MARCO: variants seen among roughly 807,000 people sequenced by gnomAD.
The protein encoded by MARCO is macrophage receptor MARCO.
Under a neutral mutation model 70.0 loss-of-function variants are expected in MARCO, and 72 were observed. That is an observed-to-expected ratio of 1.03 (90% CI 0.85 to 1.25). The LOEUF (loss-of-function observed/expected upper bound fraction) is 1.25, where lower values mean the gene tolerates loss of function less well. MARCO is among the 50% of genes most tolerant of loss of function. The pLI, the probability that MARCO is intolerant of heterozygous loss-of-function variation, is 0.00. For synonymous variants in MARCO, 273 were observed against 243.1 expected, an observed-to-expected ratio of 1.12 and a Z score of -1.14; for missense variants, 696 against 659.3, an observed-to-expected ratio of 1.06 and a Z score of -0.61.
chr2:118,983,780 G>T (rs569501106), intron 12 of MARCO, among the ~76,000 whole-genome samples: 1 of 151,898 alleles, frequency 6.6e-6, no homozygotes, highest in Admixed American at 6.6e-5. Flanking sequence ...TTCATCTCTC[G>T]GTTGTAAATA....
intron 14 of MARCO, 98 bp from the exon 15 acceptor site, chr2:118,992,334 A>C (rs1680638533): frequency 1.1e-6 from 1 of 946,700 alleles, no homozygotes. Flanking sequence ...GCATCTGACC[A>C]CTCCCAACCC....
intron 8 of MARCO, 32 bp downstream of exon 8, chr2:118,977,967 C>T: frequency 6.7e-7 from 1 of 1,482,370 alleles, no homozygotes; most frequent in Non-Finnish European, 9.3e-7. Flanking sequence ...TCGGTGCTTG[C>T]CAGGAGGCCT....
At position 118,981,374 on chromosome 2, in the gene MARCO, C is replaced by T. The variant is rs755353012; in HGVS notation, c.767-35C>T. On this transcript the variant is annotated intron_variant, in intron 8 of 16. Coordinates refer to ENST00000327097, the MANE Select transcript of MARCO (RefSeq NM_006770.4). Reference sequence around the variant, plus strand: ...GGACATGGTGGCCTGATTGGAGTTCCTCCCACAACTAACCAAGACTTTTTG... The same window carrying T: ...GGACATGGTGGCCTGATTGGAGTTCTTCCCACAACTAACCAAGACTTTTTG... 7.7e-6 allele frequency: 11 copies of T among 1,419,986 alleles called. No individual in the cohort carries two copies. The African/African-American group carries it at 1.0e-4, about 13-fold the overall frequency. 88.0% of individuals were successfully genotyped at this position (1,419,986 alleles called of 1,614,324 possible). A position where few individuals can be genotyped will look rare whatever the true frequency, so the allele number is the denominator to read the frequency against.
At chr2:118,967,157 G>C (rs968474157) in intron 1 of MARCO, among the ~76,000 whole-genome samples, 1 of 152,234 alleles carries the variant, frequency 6.6e-6, no homozygotes, top group Admixed American at 6.5e-5. Flanking sequence ...GAGAGAAACA[G>C]AGTGATGTGG....
At chr2:118,963,255 C>CT (rs992595037) in intron 1 of MARCO, among the ~76,000 whole-genome samples, 9 of 151,142 alleles carry the variant, frequency 6.0e-5, no homozygotes, top group Admixed American at 3.3e-4. Flanking sequence ...TTCAGAGCTG[C>CT]TTTTTTTTAT....
intron 1 of MARCO, among the ~76,000 whole-genome samples, chr2:118,959,009 C>T (rs1416443112): frequency 1.3e-5 from 2 of 152,094 alleles, no homozygotes; most frequent in Non-Finnish European, 2.9e-5. Context: ...AGGACTTAAA[C>T]CAAAGACCTG....
chr2:118,978,444 A>G (rs540086957), intron 8 of MARCO, among the ~76,000 whole-genome samples: 47 of 152,356 alleles, frequency 3.1e-4, no homozygotes, highest in African/African-American at 1.1e-3. Flanking sequence ...GGTTCTGACC[A>G]TGAAGGTCTG....
At chr2:118,992,585 T>C in intron 15 of MARCO, 109 bp downstream of exon 15, 2 of 987,108 alleles carry the variant, frequency 2.0e-6, no homozygotes, top group Non-Finnish European at 1.6e-6. Flanking sequence ...ATTTCTCATT[T>C]TGGGGAGGAG....
intron 1 of MARCO, among the ~76,000 whole-genome samples, chr2:118,952,090 AC>A (rs1272821537): frequency 6.7e-6 from 1 of 148,322 alleles, no homozygotes; most frequent in Non-Finnish European, 1.5e-5. Context: ...CCTCTTTCTT[AC>A]CCCTTTCTTA....
chr2:118,957,302 A>G (rs1345973833), intron 1 of MARCO, among the ~76,000 whole-genome samples: 1 of 152,130 alleles, frequency 6.6e-6, no homozygotes, highest in Non-Finnish European at 1.5e-5. Context: ...AAAACAGGAT[A>G]TATTACAACT....
chr2:118,948,801 A>ATGTC (rs143777024), intron 1 of MARCO, among the ~76,000 whole-genome samples: 1 of 151,668 alleles, frequency 6.6e-6, no homozygotes, highest in Non-Finnish European at 1.5e-5. Flanking sequence ...AATTGAAGCT[A>ATGTC]TGTTTGTTTG....
chr2:118,993,644 A>G (rs1265195977), intron 16 of MARCO, among the ~76,000 whole-genome samples: 2 of 152,162 alleles, frequency 1.3e-5, no homozygotes, highest in African/African-American at 4.8e-5. Context: ...AAGAACAGAG[A>G]GAAGATTCAG....
intron 1 of MARCO, among the ~76,000 whole-genome samples, chr2:118,947,920 T>G (rs1284264754): frequency 6.6e-6 from 1 of 152,212 alleles, no homozygotes; most frequent in Non-Finnish European, 1.5e-5. Flanking sequence ...TATAGATAAA[T>G]GTAGAGAGAA....
chr2:118,971,760 T>C (rs1680176895), intron 4 of MARCO, among the ~76,000 whole-genome samples: 2 of 152,122 alleles, frequency 1.3e-5, no homozygotes, highest in Non-Finnish European at 2.9e-5. Context: ...AGGCTTCCTC[T>C]CTCCACTCCC....
At position 118,994,471 on chromosome 2, in the gene MARCO, A is replaced by G. The variant is rs1680684968; in HGVS notation, c.1514A>G (p.His505Arg). The change falls in exon 17 of 17, where the codon CAT becomes CGT. Residue 505 changes from histidine (H) to arginine (R), a missense_variant. His to Arg is a conservative substitution (Grantham distance 29). Transcript: ENST00000327097. ...AGCTGCACCAAGAATAGCTGGGGCC[A>G]TCATGACTGCAGCCACGAGGAGGAC... is the stretch of plus-strand genomic sequence containing the variant. ...LWSCTKNSWG[H>R]HDCSHEEDAG... is the part of the protein sequence containing the mutation. The G allele has an allele frequency of 6.2e-7, 1 of 1,613,240 alleles. No homozygotes were observed. Among genetic ancestry groups the G allele is most frequent in the Non-Finnish European group, 8.5e-7 (1 of 1,179,558 alleles).
At chr2:118,954,279 G>A (rs539848050) in intron 1 of MARCO, among the ~76,000 whole-genome samples, 1 of 152,242 alleles carries the variant, frequency 6.6e-6, no homozygotes, top group South Asian at 2.1e-4. Context: ...AGCTGGGTGA[G>A]GCCTGTGACT....
At chr2:118,983,477 G>C (rs150236110) in intron 12 of MARCO, among the ~76,000 whole-genome samples, 2,148 of 152,286 alleles carry the variant, frequency 0.014, 32 homozygotes, top group Admixed American at 0.034. Flanking sequence ...CACCCTCTCT[G>C]TCCTTGTAAT....
At chr2:118,950,023 T>C (rs1679689232) in intron 1 of MARCO, 1 of 152,218 alleles carries the variant, frequency 6.6e-6, no homozygotes, top group Admixed American at 6.5e-5. Context: ...CAGTGGACTT[T>C]ATAGTCCTTT....
intron 12 of MARCO, among the ~76,000 whole-genome samples, chr2:118,983,830 G>A (rs35275832): frequency 0.018 from 2,684 of 152,010 alleles, 24 homozygotes; most frequent in Middle Eastern, 0.034. Context: ...CCAGACTAAC[G>A]GTTCTCAACT....
Sources: gnomAD v4.1 joint callset for allele counts (sites outside exome capture counted in the v4.1 genomes callset) on GRCh38, gnomAD v4.1.1 for gene constraint, MANE v1.5 for transcripts, NCBI Gene and HGNC (gene_info 2026-07-23, HGNC 2026-07-21) for gene names.